SPIDR: variants seen among roughly 807,000 people sequenced by gnomAD.
SPIDR encodes scaffold protein involved in DNA repair.
In SPIDR, 93 loss-of-function variants were observed where a neutral mutation model predicts 104.6. The observed-to-expected ratio is 0.89, with a 90% CI of 0.75 to 1.06. SPIDR has a LOEUF of 1.06. Among genes scored for constraint, SPIDR ranks in the 50% least tolerant of loss-of-function variants. SPIDR has a pLI of 0.00. For missense variants in SPIDR, 1,154 were observed against 1,111.2 expected (o/e 1.04, Z -0.55); for synonymous variants, 431 against 416.9 (o/e 1.03, Z -0.41).
In SPIDR at chr8:47,293,887, T is replaced by C; in HGVS notation, c.382T>C (p.Trp128Arg). Residue 128 changes from tryptophan to arginine, a missense_variant, in exon 5 of 20, where the codon TGG becomes CGG. Coordinates refer to ENST00000297423, the MANE Select transcript of SPIDR (RefSeq NM_001080394.4). Reference protein sequence around the residue: ...LQRDELQFIDWEIDSDRAEAS... With the variant: ...LQRDELQFIDREIDSDRAEAS... ...TTTAGATGAATTACAGTTTATCGAC[T>C]GGGAGATTGACAGTGACAGGGCAGA... is the stretch of plus-strand genomic sequence containing the variant. The C allele has an allele frequency of 6.2e-7, 1 of 1,610,324 alleles. No individual in the cohort carries two copies. The highest frequency in any genetic ancestry group is 1.1e-5 in the South Asian group (1 of 90,136).
chr8:47,567,120 A>G (rs1306482353), intron 8 of SPIDR, among the ~76,000 whole-genome samples: 1 of 152,158 alleles, frequency 6.6e-6, no homozygotes, highest in Non-Finnish European at 1.5e-5. Flanking sequence ...TTCTGTGCAG[A>G]TAATAGAGAC....
At chr8:47,728,837 C>A in intron 17 of SPIDR, 96 bp from the exon 18 acceptor site, 1 of 1,411,876 alleles carries the variant, frequency 7.1e-7, no homozygotes, top group Non-Finnish European at 9.6e-7. Flanking sequence ...TTTTCTAGCT[C>A]AGCAGACACT....
intron 10 of SPIDR, among the ~76,000 whole-genome samples, chr8:47,606,131 T>A (rs1168013146): frequency 2.0e-5 from 3 of 152,192 alleles, no homozygotes; most frequent in Non-Finnish European, 2.9e-5. Flanking sequence ...TCCTCTGGAA[T>A]AAACATATTG....
At chr8:47,584,889 CT>C (rs1406296420) in intron 8 of SPIDR, among the ~76,000 whole-genome samples, 2 of 152,194 alleles carry the variant, frequency 1.3e-5, no homozygotes, top group African/African-American at 2.4e-5. Context: ...CCATCTGCCC[CT>C]GCCCTTCCTT....
intron 14 of SPIDR, 35 bp from the exon 15 acceptor site, chr8:47,712,627 T>C (rs903589787): frequency 1.9e-6 from 3 of 1,582,662 alleles, no homozygotes; most frequent in African/African-American, 2.7e-5. Context: ...TTTTTTGGTA[T>C]AATAATTAAT....
intron 5 of SPIDR, among the ~76,000 whole-genome samples, chr8:47,329,176 T>C (rs1475051205): frequency 1.3e-5 from 2 of 151,968 alleles, no homozygotes; most frequent in Admixed American, 6.6e-5. Flanking sequence ...GTTCACGCCA[T>C]TCTCCTGCCT....
intron 14 of SPIDR, among the ~76,000 whole-genome samples, chr8:47,707,055 T>G (rs1484628400): frequency 2.0e-5 from 3 of 151,960 alleles, no homozygotes; most frequent in Non-Finnish European, 4.4e-5. Flanking sequence ...GAATTGGAGA[T>G]GAGCCTGTCA....
chr8:47,571,090 C>CA (rs78426227), intron 8 of SPIDR, among the ~76,000 whole-genome samples: 150 of 134,348 alleles, frequency 1.1e-3, no homozygotes, highest in African/African-American at 1.2e-3. Context: ...GACTCTGTCT[C>CA]AAAAAAAAAA....
intron 5 of SPIDR, among the ~76,000 whole-genome samples, chr8:47,346,684 C>G (rs2052133422): frequency 6.6e-6 from 1 of 152,072 alleles, no homozygotes; most frequent in Non-Finnish European, 1.5e-5. Context: ...CTGGTTTAGT[C>G]TTGGGAGGGT....
chr8:47,676,529 T>C (rs1204504919), intron 11 of SPIDR, among the ~76,000 whole-genome samples: 7 of 149,872 alleles, frequency 4.7e-5, no homozygotes, highest in Admixed American at 1.3e-4. Context: ...TTTTTTTTTT[T>C]CCAAATTATT....
chr8:47,301,478 C>T (rs1471173344), intron 5 of SPIDR, among the ~76,000 whole-genome samples: 1 of 152,046 alleles, frequency 6.6e-6, no homozygotes, highest in Non-Finnish European at 1.5e-5. Context: ...TGAATTTGAT[C>T]CTGTCATTAT....
At chr8:47,507,857 C>T (rs1296531700) in intron 8 of SPIDR, among the ~76,000 whole-genome samples, 1 of 152,130 alleles carries the variant, frequency 6.6e-6, no homozygotes, top group Non-Finnish European at 1.5e-5. Context: ...ATTGTGTGAC[C>T]CCAAAACCTT....
At chr8:47,539,961 T>C (rs2087779220) in intron 8 of SPIDR, among the ~76,000 whole-genome samples, 2 of 152,072 alleles carry the variant, frequency 1.3e-5, no homozygotes, top group South Asian at 2.1e-4. Context: ...GAAGTAAAAA[T>C]ATTCTGTGGC....
chr8:47,714,023 G>A (rs183132787), intron 16 of SPIDR, among the ~76,000 whole-genome samples: 6 of 152,250 alleles, frequency 3.9e-5, no homozygotes, highest in East Asian at 3.9e-4. Context: ...GCAGGACTTC[G>A]TAAGGCCACT....
intron 5 of SPIDR, among the ~76,000 whole-genome samples, chr8:47,315,727 A>G (rs956511679): frequency 1.3e-5 from 2 of 152,186 alleles, no homozygotes; most frequent in African/African-American, 4.8e-5. Context: ...CTGATAAATT[A>G]TTTTTAACAA....
intron 8 of SPIDR, among the ~76,000 whole-genome samples, chr8:47,577,702 A>G (rs1276329710): frequency 6.6e-6 from 1 of 152,214 alleles, no homozygotes; most frequent in Non-Finnish European, 1.5e-5. Context: ...AAAATTAGGT[A>G]GAGGTAAATG....
At chr8:47,554,466 C>A (rs576265794) in intron 8 of SPIDR, among the ~76,000 whole-genome samples, 1 of 152,354 alleles carries the variant, frequency 6.6e-6, no homozygotes, top group South Asian at 2.1e-4. Context: ...GTCCCTCCCC[C>A]AGCCTCGCTG....
chr8:47,682,895 G>C (rs2077281514), intron 11 of SPIDR, among the ~76,000 whole-genome samples: 1 of 152,162 alleles, frequency 6.6e-6, no homozygotes. Context: ...CTTAAGATAA[G>C]AAACCTGATT....
chr8:47,618,942 G>C (rs1322714872), intron 10 of SPIDR, among the ~76,000 whole-genome samples: 1 of 152,222 alleles, frequency 6.6e-6, no homozygotes, highest in Non-Finnish European at 1.5e-5. Flanking sequence ...TTAAAACAAA[G>C]TGCCATAGGC....
Sources: allele counts gnomAD v4.1 joint callset (sites outside exome capture counted in the v4.1 genomes callset), GRCh38; gene constraint gnomAD v4.1.1; transcripts MANE v1.5; gene names NCBI Gene and HGNC (gene_info 2026-07-23, HGNC 2026-07-21).